MED13L: variants seen among roughly 807,000 people sequenced by gnomAD.
MED13L encodes the protein mediator complex subunit 13L, also known as mediator of RNA polymerase II transcription subunit 13-like.
A neutral mutation model predicts 220.9 loss-of-function variants in MED13L; 7 were observed. The ratio of observed to expected loss-of-function variants is 0.03; its 90% CI spans 0.02 to 0.06. The LOEUF (loss-of-function observed/expected upper bound fraction) is 0.06, where lower values mean the gene tolerates loss of function less well. MED13L is among the 10% of genes least tolerant of loss of function. The pLI is 1.00. For missense variants in MED13L, 1,965 were observed against 2,760.5 expected (o/e 0.71, Z 6.46); for synonymous variants, 1,011 against 1,015.2 (o/e 1.00, Z 0.08).
At chr12:116,072,140 A>G (rs1461045961) in intron 4 of MED13L, among the ~76,000 whole-genome samples, 1 of 152,214 alleles carries the variant, frequency 6.6e-6, no homozygotes, top group Non-Finnish European at 1.5e-5. Context: ...TCACCAAATA[A>G]CACAGTACAC....
chr12:116,089,430 A>C (rs1220069772), intron 4 of MED13L, among the ~76,000 whole-genome samples: 2 of 152,232 alleles, frequency 1.3e-5, no homozygotes, highest in Non-Finnish European at 2.9e-5. Flanking sequence ...ATATCATCTA[A>C]ACATTTGATA....
At chr12:116,030,950 T>A (rs1334436241) in intron 4 of MED13L, among the ~76,000 whole-genome samples, 2 of 152,176 alleles carry the variant, frequency 1.3e-5, no homozygotes, top group African/African-American at 4.8e-5. Flanking sequence ...ACAAATGATG[T>A]GATGAATTAA....
At chr12:116,140,884 T>G (rs1877010018) in intron 2 of MED13L, among the ~76,000 whole-genome samples, 2 of 152,232 alleles carry the variant, frequency 1.3e-5, no homozygotes, top group Non-Finnish European at 2.9e-5. Context: ...ATCTAATTAA[T>G]TTCTAAATAC....
Position 116,007,675 on chromosome 12 carries a change from T to C in MED13L, c.2013-39A>G, listed in dbSNP as rs749600038. On this transcript the variant is annotated intron_variant, in intron 10 of 30. Coordinates refer to ENST00000281928, the MANE Select transcript of MED13L (RefSeq NM_015335.5). ...AAAAAAAAAAAAAAAAGAGCATTTA[T>C]GCCTTAAAGCATTTACAAAGTTTAA... 1.7e-5 allele frequency: 26 copies of C among 1,511,832 alleles called. No homozygotes were observed. In the East Asian group the frequency reaches 5.2e-4, roughly 30 times the overall value. 93.7% of individuals were successfully genotyped at this position (1,511,832 alleles called of 1,614,324 possible). A position where few individuals can be genotyped will look rare whatever the true frequency, so the allele number is the denominator to read the frequency against.
chr12:116,015,115 T>C lies in MED13L; in HGVS notation c.1169A>G (p.Gln390Arg). The C allele has an allele frequency of 3.7e-6, 6 of 1,613,514 alleles. No homozygotes were observed. Among genetic ancestry groups the C allele is most frequent in the Non-Finnish European group, 5.1e-6 (6 of 1,179,484 alleles). The change falls in exon 8 of 31, where the codon CAG becomes CGG. Residue 390 changes from glutamine to arginine, a missense_variant. Coordinates refer to ENST00000281928, the MANE Select transcript of MED13L (RefSeq NM_015335.5). ...VWKECILNRT[Q>R]SKRSQMSTPT... ...CATAATCGAGAAAACTTACTTGGAC[T>C]GGGTTCTGTTGAGGATGCATTCCTT...
At chr12:116,223,041 G>A (rs534791975) in intron 2 of MED13L, among the ~76,000 whole-genome samples, 3 of 152,264 alleles carry the variant, frequency 2.0e-5, no homozygotes, top group East Asian at 1.9e-4. Flanking sequence ...ATAGTAAAAC[G>A]TTCAGGACTT....
At chr12:116,119,838 A>AAAAAATAT (rs1555213242) in intron 2 of MED13L, among the ~76,000 whole-genome samples, 6 of 31,590 alleles carry the variant, frequency 1.9e-4, no homozygotes, top group East Asian at 1.9e-3. Context: ...AAAAAAAAAA[A>AAAAAATAT]ATATATATAT....
chr12:116,237,813 A>T (rs891808084), intron 1 of MED13L, 108 bp from the exon 2 acceptor site: 4 of 970,172 alleles, frequency 4.1e-6, no homozygotes, highest in Non-Finnish European at 6.6e-6. Flanking sequence ...ATTTACACGA[A>T]ACTTCATATC....
chr12:116,113,745 G>A (rs1352021602), intron 2 of MED13L, among the ~76,000 whole-genome samples: 56 of 109,574 alleles, frequency 5.1e-4, no homozygotes, highest in African/African-American at 1.9e-3. Flanking sequence ...GGGAGGGGAA[G>A]AGGGAAAGGG....
Position 116,022,444 on chromosome 12 carries a change from AC to A in MED13L, c.625+11del, listed in dbSNP as rs1566015517. The A allele has an allele frequency of 2.5e-6, 4 of 1,613,494 alleles. No individual in the cohort carries two copies. The highest frequency in any genetic ancestry group is 1.3e-5 in the African/African-American group (1 of 75,016). On this transcript the variant is annotated intron_variant, in intron 5 of 30. Coordinates refer to ENST00000281928, the MANE Select transcript of MED13L (RefSeq NM_015335.5). ...GCGGATAGGGGTGGAGAGCAGGAACACCCATACTTACCTTGAAATGGTGCAG... is the reference window on the plus strand; with the variant it reads ...GCGGATAGGGGTGGAGAGCAGGAACACCATACTTACCTTGAAATGGTGCAG...
At chr12:116,206,199 G>C (rs978828691) in intron 2 of MED13L, among the ~76,000 whole-genome samples, 2 of 147,878 alleles carry the variant, frequency 1.4e-5, no homozygotes, top group African/African-American at 2.5e-5. Context: ...TCCTGCCTCA[G>C]CCTCCTAAGT....
At chr12:115,968,861 C>T in intron 28 of MED13L, 79 bp downstream of exon 28, 1 of 1,554,734 alleles carries the variant, frequency 6.4e-7, no homozygotes, top group Non-Finnish European at 8.9e-7. Context: ...CAAGTAGGAA[C>T]AAGATGATCA....
In MED13L at chr12:115,980,954, CAA is replaced by C. The variant is rs138808854; in HGVS notation, c.5176-18_5176-17del. On this transcript the variant is annotated splice_polypyrimidine_tract_variant and intron_variant, in intron 22 of 30. Transcript: ENST00000281928. ...AAGGCACAATCTAAAGACACAAATA[CAA>C]AAAAAAAACAAAAACCAAAAACCTA... 1.8e-5 allele frequency: 24 copies of C among 1,357,918 alleles called. No individual in the cohort carries two copies. The East Asian group carries it at 5.3e-4, about 30-fold the overall frequency. The allele number at this position is 1,357,918 out of a possible 1,614,324, so 84.1% of individuals were successfully genotyped here. A position where few individuals can be genotyped will look rare whatever the true frequency, so the allele number is the denominator to read the frequency against.
At chr12:116,275,293 G>A in intron 1 of MED13L, among the ~76,000 whole-genome samples, 1 of 151,948 alleles carries the variant, frequency 6.6e-6, no homozygotes, top group South Asian at 2.1e-4. Context: ...GAGGCAAAAG[G>A]GGGTTTTACT....
chr12:116,215,525 G>A (rs934134631), intron 2 of MED13L, among the ~76,000 whole-genome samples: 5 of 152,090 alleles, frequency 3.3e-5, no homozygotes, highest in African/African-American at 1.2e-4. Flanking sequence ...CTCCTATTGT[G>A]CTAAAATACA....
intron 1 of MED13L, among the ~76,000 whole-genome samples, chr12:116,267,710 A>C (rs1872938683): frequency 6.6e-6 from 1 of 152,238 alleles, no homozygotes; most frequent in Non-Finnish European, 1.5e-5. Flanking sequence ...AATGTTGAAC[A>C]AAAGCACTGC....
At chr12:116,145,697 A>G (rs7980729) in intron 2 of MED13L, among the ~76,000 whole-genome samples, 26,355 of 146,828 alleles carry the variant, frequency 0.18, 2,543 homozygotes, top group East Asian at 0.22. Flanking sequence ...TTATTTATTT[A>G]TTTATTTTAA....
chr12:116,147,813 AT>A (rs1041874103), intron 2 of MED13L, among the ~76,000 whole-genome samples: 2 of 152,120 alleles, frequency 1.3e-5, no homozygotes, highest in African/African-American at 4.8e-5. Context: ...AAAAAAGCTA[AT>A]TTAAAAAACT....
At chr12:116,156,812 G>C (rs566053231) in intron 2 of MED13L, among the ~76,000 whole-genome samples, 1 of 152,110 alleles carries the variant, frequency 6.6e-6, no homozygotes, top group Admixed American at 6.6e-5. Context: ...TAAAACTGCC[G>C]AGTAGAGCAA....
Sources: gnomAD v4.1 joint callset for allele counts (sites outside exome capture counted in the v4.1 genomes callset) on GRCh38, gnomAD v4.1.1 for gene constraint, MANE v1.5 for transcripts, NCBI Gene and HGNC (gene_info 2026-07-23, HGNC 2026-07-21) for gene names.